CHST8: variants seen among roughly 807,000 people sequenced by gnomAD.
The protein encoded by CHST8 is carbohydrate sulfotransferase 8.
A neutral mutation model predicts 15.0 loss-of-function variants in CHST8; 10 were observed. That is an observed-to-expected ratio of 0.67 (90% CI 0.41 to 1.13). The LOEUF (loss-of-function observed/expected upper bound fraction) is 1.13, where lower values mean the gene tolerates loss of function less well. Among genes scored for constraint, CHST8 ranks in the 50% most tolerant of loss-of-function variants. CHST8 has a pLI of 0.00. For missense variants in CHST8, 634 were observed against 608.2 expected (o/e 1.04, Z -0.45); for synonymous variants, 259 against 256.6 (o/e 1.01, Z -0.09).
At chr19:33,700,272 G>T (rs1973306435) in intron 3 of CHST8, among the ~76,000 whole-genome samples, 1 of 152,218 alleles carries the variant, frequency 6.6e-6, no homozygotes, top group Non-Finnish European at 1.5e-5. Flanking sequence ...CATCCTTGTT[G>T]TGACTGTGAA....
At chr19:33,732,657 T>C (rs1203280317) in intron 3 of CHST8, among the ~76,000 whole-genome samples, 1 of 152,118 alleles carries the variant, frequency 6.6e-6, no homozygotes, top group Non-Finnish European at 1.5e-5. Context: ...TTTCTCAGGC[T>C]CTGGGCTCCT....
At chr19:33,670,535 G>A (rs571143583) in intron 2 of CHST8, among the ~76,000 whole-genome samples, 4 of 152,334 alleles carry the variant, frequency 2.6e-5, no homozygotes, top group South Asian at 4.1e-4. Context: ...GGCCAGCGCT[G>A]GCTGCAGAGG....
rs1972550907 is a variant in CHST8 at position 33,659,060 on chromosome 19, T to TA, written c.-163-8707_-163-8706insA. Among the ~76,000 whole-genome samples the TA allele has an allele frequency of 3.9e-4, 4 of 10,272 alleles. No individual in the cohort carries two copies. In the South Asian group the frequency reaches 8.3e-3, roughly 21 times the overall value. 6.7% of individuals were successfully genotyped at this position (10,272 alleles called of 152,430 possible). A position where few individuals can be genotyped will look rare whatever the true frequency, so the allele number is the denominator to read the frequency against. On this transcript the variant is annotated intron_variant, in intron 1 of 4. Transcript: ENST00000650847. ...TATTGTTTCATGGTTAGGTAATGAC[T>TA]TTTTTTTTTTTTTTTTTTTTTTGAG...
chr19:33,751,631 T>C (rs1344032101), intron 3 of CHST8, among the ~76,000 whole-genome samples: 3 of 152,290 alleles, frequency 2.0e-5, no homozygotes, highest in Non-Finnish European at 1.5e-5. Flanking sequence ...CCCCGGGCAC[T>C]GGCAGGCAGC....
At chr19:33,681,196 C>G (rs569587808) in intron 2 of CHST8, among the ~76,000 whole-genome samples, 2 of 152,322 alleles carry the variant, frequency 1.3e-5, no homozygotes, top group Admixed American at 6.5e-5. Context: ...CCCAGCTGGG[C>G]TCAGTGGAGT....
intron 3 of CHST8, among the ~76,000 whole-genome samples, chr19:33,722,356 T>C (rs1262725106): frequency 2.0e-5 from 3 of 152,018 alleles, no homozygotes; most frequent in Admixed American, 1.3e-4. Flanking sequence ...GACAGACTGA[T>C]GGATGGACGG....
chr19:33,695,548 TC>T (rs1281795167), intron 3 of CHST8, among the ~76,000 whole-genome samples: 1 of 152,108 alleles, frequency 6.6e-6, no homozygotes, highest in Admixed American at 6.6e-5. Context: ...CAATATGTAA[TC>T]TTTTGTCCCT....
chr19:33,689,459 A>G, intron 3 of CHST8, 68 bp downstream of exon 3: 3 of 1,465,936 alleles, frequency 2.0e-6, no homozygotes, highest in Non-Finnish European at 2.7e-6. Flanking sequence ...AGGCCTCCAC[A>G]GCTGCCCTGG....
At chr19:33,695,821 C>CTTTCTTTCTTTCTTTTTTTTT (rs57718433) in intron 3 of CHST8, among the ~76,000 whole-genome samples, 2 of 76,232 alleles carry the variant, frequency 2.6e-5, no homozygotes, top group South Asian at 4.7e-4. Context: ...TTCTTTCTTT[C>CTTTCTTTCTTTCTTTTTTTTT]TTTTTTTTTT....
intron 2 of CHST8, among the ~76,000 whole-genome samples, chr19:33,671,052 G>A (rs771909793): frequency 7.2e-5 from 11 of 152,000 alleles, no homozygotes; most frequent in Admixed American, 1.3e-4. Context: ...CCATTGTTCC[G>A]TTTCTATTTC....
chr19:33,687,143 CGGTGGGGCTGGGACT>C (rs1972995710), intron 2 of CHST8, among the ~76,000 whole-genome samples: 1 of 152,252 alleles, frequency 6.6e-6, no homozygotes, highest in Non-Finnish European at 1.5e-5. Flanking sequence ...GGGCTGGCCC[CGGTGGGGCTGGGACT>C]CTGCAGTGCA....
intron 3 of CHST8, among the ~76,000 whole-genome samples, chr19:33,700,378 G>A (rs951838970): frequency 1.3e-5 from 2 of 152,220 alleles, no homozygotes; most frequent in Non-Finnish European, 2.9e-5. Context: ...TCAGAACCCA[G>A]TGTTTCTAAA....
chr19:33,753,157 G>A (rs752683672), intron 3 of CHST8, among the ~76,000 whole-genome samples: 20 of 152,078 alleles, frequency 1.3e-4, no homozygotes, highest in Admixed American at 5.9e-4. Flanking sequence ...ACTCTTGCCC[G>A]TGGGAACGGC....
chr19:33,727,390 G>A (rs778066890), intron 3 of CHST8, among the ~76,000 whole-genome samples: 1 of 152,146 alleles, frequency 6.6e-6, no homozygotes, highest in Non-Finnish European at 1.5e-5. Context: ...GTGTCTGTGT[G>A]TGTAGAGTGT....
intron 3 of CHST8, among the ~76,000 whole-genome samples, chr19:33,765,326 C>A (rs1426157468): frequency 6.6e-6 from 1 of 151,924 alleles, no homozygotes; most frequent in African/African-American, 2.4e-5. Context: ...CCTGCTGGCA[C>A]CTTCATTTCA....
In CHST8 at chr19:33,772,777, A is replaced by G. The variant is rs780466191; in HGVS notation, c.989A>G (p.His330Arg). 10 of 1,613,408 alleles carry G rather than the reference A, an allele frequency of 6.2e-6. No homozygotes were observed. The highest frequency in any genetic ancestry group is 5.0e-5 in the Admixed American group (3 of 60,034). Residue 330 changes from histidine (H) to arginine (R), a missense_variant, in exon 5 of 5, where the codon CAT (histidine) becomes CGT (arginine). His to Arg is a conservative substitution (Grantham distance 29). Coordinates refer to ENST00000650847, the MANE Select transcript of CHST8 (RefSeq NM_001127895.2). ...GTGGGGATGGACATTCACTGGGACC[A>G]TGTCAGCCGGCTCTGCAGCCCCTGC... ...RPVGMDIHWD[H>R]VSRLCSPCLI...
chr19:33,624,353 TC>T (rs1415202513), intron 1 of CHST8, among the ~76,000 whole-genome samples: 1 of 152,110 alleles, frequency 6.6e-6, no homozygotes, highest in Non-Finnish European at 1.5e-5. Flanking sequence ...TGGTAGAACA[TC>T]CCCCTCGGAC....
rs187676996 is a variant in CHST8 at position 33,631,660 on chromosome 19, C to G, written c.-164+9364C>G. Among the ~76,000 whole-genome samples, 8 of 152,262 alleles carry G rather than the reference C, an allele frequency of 5.3e-5. No individual in the cohort carries two copies. The East Asian group carries it at 1.5e-3, about 29-fold the overall frequency. On this transcript the variant is annotated intron_variant, in intron 1 of 4. Coordinates refer to ENST00000650847, the MANE Select transcript of CHST8 (RefSeq NM_001127895.2). ...TCATCTGCAAATTTAATTTCATGAC[C>G]ATTCATCCCTGTGAAAGCACAATCT...
At chr19:33,673,615 G>C (rs1407236768) in intron 2 of CHST8, among the ~76,000 whole-genome samples, 1 of 152,170 alleles carries the variant, frequency 6.6e-6, no homozygotes. Context: ...AGGGGTTGAA[G>C]GGTCCCAGGA....
Sources: allele counts gnomAD v4.1 joint callset (sites outside exome capture counted in the v4.1 genomes callset), GRCh38; gene constraint gnomAD v4.1.1; transcripts MANE v1.5; gene names NCBI Gene and HGNC (gene_info 2026-07-23, HGNC 2026-07-21).